The following NPR3 variants were observed in gnomAD, a reference collection of about 807,000 sequenced individuals.
NPR3 encodes the protein natriuretic peptide receptor 3.
NPR3 carries 34 observed loss-of-function variants against 54.5 expected under a neutral mutation model. That is an observed-to-expected ratio of 0.62 (90% CI 0.47 to 0.83). The LOEUF (loss-of-function observed/expected upper bound fraction) is 0.83, where lower values mean the gene tolerates loss of function less well. Among genes scored for constraint, NPR3 ranks in the 40% least tolerant of loss-of-function variants. The pLI is 0.00. For missense variants in NPR3, 674 were observed against 720.8 expected, an observed-to-expected ratio of 0.94 and a Z score of 0.74; for synonymous variants, 289 against 297.1, an observed-to-expected ratio of 0.97 and a Z score of 0.28.
chr5:32,789,587 A>G lies in NPR3; in HGVS notation c.*3242A>G, dbSNP rs773232598. The G allele has an allele frequency of 3.7e-6, 2 of 534,744 alleles. No homozygotes were observed. Among genetic ancestry groups the G allele is most frequent in the Admixed American group, 1.9e-5 (1 of 51,588 alleles). 33.1% of individuals were successfully genotyped at this position (534,744 alleles called of 1,614,324 possible). ...CTTTTCTCCTTTCTCTTAAATTCAA[A>G]GACGTTTGCTTTGGAATGCCCTCAC... On this transcript the variant is annotated 3_prime_UTR_variant, in exon 8 of 8. Coordinates refer to ENST00000265074, the MANE Select transcript of NPR3 (RefSeq NM_001204375.2).
chr5:32,728,460 T>A (rs1739246147), intron 2 of NPR3, among the ~76,000 whole-genome samples: 1 of 48,564 alleles, frequency 2.1e-5, no homozygotes, highest in South Asian at 1.1e-3. Context: ...TGAAACTCTA[T>A]CTCAGAAAAA....
chr5:32,710,859 G>GTTTTTTTTATTTTTTA, upstream of NPR3: 1 of 976,160 alleles, frequency 1.0e-6, no homozygotes, highest in Non-Finnish European at 1.4e-6. Context: ...CCCAGTCCTG[G>GTTTTTTTTATTTTTTA]TTTTTTTTTT....
chr5:32,710,601 G>A, upstream of NPR3: 1 of 1,400,838 alleles, frequency 7.1e-7, no homozygotes, highest in Non-Finnish European at 9.3e-7. Context: ...GGGGGCTGGC[G>A]CGGGGCTGAG....
intron 1 of NPR3, among the ~76,000 whole-genome samples, chr5:32,715,041 G>A (rs1412805503): frequency 2.6e-5 from 4 of 152,140 alleles, no homozygotes; most frequent in African/African-American, 9.7e-5. Context: ...ATAAATGTGC[G>A]GTTTCATTGT....
At chr5:32,776,379 C>A (rs141008300) in intron 4 of NPR3, among the ~76,000 whole-genome samples, 2 of 152,192 alleles carry the variant, frequency 1.3e-5, no homozygotes, top group Non-Finnish European at 2.9e-5. Context: ...CTATCACAAG[C>A]CTCTTGCACA....
At chr5:32,714,105 G>T (rs2111850570) in intron 1 of NPR3, among the ~76,000 whole-genome samples, 1 of 152,282 alleles carries the variant, frequency 6.6e-6, no homozygotes, top group African/African-American at 2.4e-5. Context: ...CCCGGAACCT[G>T]CTTCTCCAGT....
At chr5:32,743,337 C>T (rs373130824) in intron 3 of NPR3, among the ~76,000 whole-genome samples, 13 of 152,142 alleles carry the variant, frequency 8.5e-5, no homozygotes, top group East Asian at 3.8e-4. Context: ...GATATTGACA[C>T]GGATGCAATG....
chr5:32,718,367 T>A (rs1308060228), intron 1 of NPR3, among the ~76,000 whole-genome samples: 2 of 152,248 alleles, frequency 1.3e-5, no homozygotes, highest in African/African-American at 4.8e-5. Flanking sequence ...TTTTTTCCAA[T>A]TCTGTGAAGA....
chr5:32,774,047 G>A (rs1009551511), intron 3 of NPR3, among the ~76,000 whole-genome samples: 2 of 152,196 alleles, frequency 1.3e-5, no homozygotes, highest in Admixed American at 6.5e-5. Context: ...GTCCAAGCCT[G>A]TTTTCCATTC....
Position 32,712,567 on chromosome 5 carries a change from G to A in NPR3, c.769+22G>A, listed in dbSNP as rs1176293611. On this transcript the variant is annotated intron_variant, in intron 1 of 7. Transcript: ENST00000265074. ...AGAGGTGAGCAGGGGCGCGTCCCGG[G>A]CCCCGGGCCCTAACCCAACCGCTCT... 3.3e-6 allele frequency: 5 copies of A among 1,501,840 alleles called. No individual in the cohort carries two copies. The South Asian group carries it at 6.7e-5, about 20-fold the overall frequency. The allele number at this position is 1,501,840 out of a possible 1,614,324, so 93.0% of individuals were successfully genotyped here.
intron 1 of NPR3, among the ~76,000 whole-genome samples, chr5:32,697,010 C>T (rs1180372170): frequency 6.6e-6 from 1 of 152,118 alleles, no homozygotes; most frequent in East Asian, 1.9e-4. Context: ...CTGGCTAAGA[C>T]TTCCAGTACT....
intron 2 of NPR3, among the ~76,000 whole-genome samples, chr5:32,735,972 T>C (rs1739717450): frequency 6.6e-6 from 1 of 152,178 alleles, no homozygotes; most frequent in Non-Finnish European, 1.5e-5. Flanking sequence ...GGCTCACGCC[T>C]GTAATCCCAA....
chr5:32,696,942 A>G (rs946060729), intron 1 of NPR3, among the ~76,000 whole-genome samples: 3 of 152,192 alleles, frequency 2.0e-5, no homozygotes. Context: ...GCAAACAAGA[A>G]TAATTTGACT....
intron 6 of NPR3, 199 bp downstream of exon 6, chr5:32,783,227 T>G: frequency 2.1e-6 from 1 of 477,772 alleles, no homozygotes; most frequent in Non-Finnish European, 3.6e-6. Context: ...TCTTCCACAA[T>G]GGTAGAATGT....
At chr5:32,781,077 G>T (rs1367598713) in intron 5 of NPR3, among the ~76,000 whole-genome samples, 1 of 150,874 alleles carries the variant, frequency 6.6e-6, no homozygotes, top group African/African-American at 2.4e-5. Context: ...GGTAAAATCA[G>T]TAAAGTGAAA....
intron 5 of NPR3, among the ~76,000 whole-genome samples, chr5:32,782,594 C>G (rs903956894): frequency 2.0e-5 from 3 of 152,222 alleles, no homozygotes; most frequent in African/African-American, 2.4e-5. Context: ...ACATCCTGCT[C>G]TGGCACGACC....
rs2112086946 is a variant in NPR3, at chr5:32,788,571, C to G, written c.*2226C>G. The G allele has an allele frequency of 6.6e-6, 1 of 152,298 alleles. No individual in the cohort carries two copies. Among genetic ancestry groups the G allele is most frequent in the Admixed American group, 6.5e-5 (1 of 15,292 alleles). 9.4% of individuals were successfully genotyped at this position (152,298 alleles called of 1,614,324 possible). On this transcript the variant is annotated 3_prime_UTR_variant, in exon 8 of 8. Transcript: ENST00000265074. ...GTGCTTATTACAGGGGAAAAATAAT[C>G]TACCTGGTTGCAGTCTTTGAGTATA...
chr5:32,728,831 GTGTGTGTATATATA>G (rs1204631709), intron 2 of NPR3, among the ~76,000 whole-genome samples: 13 of 63,966 alleles, frequency 2.0e-4, no homozygotes, highest in African/African-American at 2.5e-4. Flanking sequence ...GTGTGTGTGT[GTGTGTGTATATATA>G]TATATATATA....
chr5:32,713,904 C>T (rs1738401490), intron 1 of NPR3, among the ~76,000 whole-genome samples: 1 of 152,226 alleles, frequency 6.6e-6, no homozygotes, highest in African/African-American at 2.4e-5. Flanking sequence ...CTGTCTGTGC[C>T]GAATTCCTAC....
Sources: allele counts gnomAD v4.1 joint callset (sites outside exome capture counted in the v4.1 genomes callset), GRCh38; gene constraint gnomAD v4.1.1; transcripts MANE v1.5; gene names NCBI Gene and HGNC (gene_info 2026-07-23, HGNC 2026-07-21).